C5orf47: variants seen among roughly 807,000 people sequenced by gnomAD.
C5orf47 encodes the protein chromosome 5 open reading frame 47, also known as uncharacterized protein C5orf47.
C5orf47 carries 20 observed loss-of-function variants against 20.6 expected under a neutral mutation model. The ratio of observed to expected loss-of-function variants is 0.97; its 90% confidence interval spans 0.68 to 1.41. The LOEUF is 1.41. Among genes scored for constraint, C5orf47 ranks in the 40% most tolerant of loss-of-function variants. C5orf47 has a pLI of 0.00. For synonymous variants in C5orf47, 106 were observed against 97.3 expected (o/e 1.09, Z -0.53); for missense variants, 262 against 238.4 (o/e 1.10, Z -0.65).
chr5:174,004,329 A>G lies in C5orf47; in HGVS notation c.*75A>G, dbSNP rs1759249313. ...AGTATGAAGAATCTAAAGATGAAAC[A>G]TTAAATGAATCATAATTATTTGTTA... On this transcript the variant is annotated 3_prime_UTR_variant, in exon 5 of 5. Coordinates refer to ENST00000340147, the MANE Select transcript of C5orf47 (RefSeq NM_001144954.2). 1.3e-5 allele frequency: 2 copies of G among 152,388 alleles called. No homozygotes were observed. The highest frequency in any genetic ancestry group is 4.1e-4 in the South Asian group (2 of 4,826). The allele number at this position is 152,388 out of a possible 1,614,324, so 9.4% of individuals were successfully genotyped here.
downstream of C5orf47, among the ~76,000 whole-genome samples, chr5:174,008,863 A>G (rs567169405): frequency 6.6e-6 from 1 of 151,768 alleles, no homozygotes; most frequent in East Asian, 1.9e-4. Context: ...AACTTCTGAC[A>G]TGATTCTGGA....
intron 3 of C5orf47, among the ~76,000 whole-genome samples, chr5:174,000,414 T>A (rs1217939105): frequency 6.6e-6 from 1 of 152,130 alleles, no homozygotes; most frequent in Non-Finnish European, 1.5e-5. Flanking sequence ...AAAAATTAAG[T>A]TGGATAAAAT....
downstream of C5orf47, among the ~76,000 whole-genome samples, chr5:174,009,046 A>AG (rs929237042): frequency 6.6e-6 from 1 of 152,154 alleles, no homozygotes; most frequent in African/African-American, 2.4e-5. Flanking sequence ...AGGACCAGAG[A>AG]GCACAGGCAA....
chr5:173,999,765 A>G lies in C5orf47; in HGVS notation c.477A>G (p.Arg159=), dbSNP rs1230890857. 10 of 1,537,006 alleles carry G rather than the reference A, an allele frequency of 6.5e-6. No individual in the cohort carries two copies. The highest frequency in any genetic ancestry group is 2.5e-5 in the East Asian group (1 of 40,812). ...SRMLEENEKY[R]HRLKCQRLSS... ...TGCTTGAAGAAAATGAAAAATATAG[A>G]CACAGGCTGAAATGCCAAAGGTTAT... The change falls in exon 3 of 5, where the codon AGA becomes AGG. Residue 159 remains arginine, a synonymous_variant. Coordinates refer to ENST00000340147, the MANE Select transcript of C5orf47 (RefSeq NM_001144954.2).
chr5:173,993,414 G>A (rs1462724191), intron 1 of C5orf47, among the ~76,000 whole-genome samples: 2 of 152,172 alleles, frequency 1.3e-5, no homozygotes, highest in African/African-American at 4.8e-5. Context: ...AGGCCAAGGT[G>A]GGCAGATCAC....
At chr5:173,989,664 A>G (rs982105818) in intron 1 of C5orf47, 76 bp downstream of exon 1, 9 of 1,236,858 alleles carry the variant, frequency 7.3e-6, no homozygotes, top group African/African-American at 1.6e-5. Context: ...GCTGGGCGCC[A>G]TCTTGCGGCA....
At chr5:174,008,755 C>T (rs1238495130), downstream of C5orf47, among the ~76,000 whole-genome samples, 1 of 151,244 alleles carries the variant, frequency 6.6e-6, no homozygotes, top group Non-Finnish European at 1.5e-5. Flanking sequence ...ATGGCATGAA[C>T]CCGGGAGGCG....
downstream of C5orf47, among the ~76,000 whole-genome samples, chr5:174,006,767 TA>T (rs1759298807): frequency 6.6e-6 from 1 of 152,130 alleles, no homozygotes; most frequent in Non-Finnish European, 1.5e-5. Flanking sequence ...GCTGCTGCAG[TA>T]GTATTCCAGT....
intron 1 of C5orf47, 115 bp downstream of exon 1, chr5:173,989,703 C>T: frequency 1.0e-6 from 1 of 993,318 alleles, no homozygotes; most frequent in Non-Finnish European, 1.3e-6. Context: ...GCTTTCCTGT[C>T]AGGCCGTGTT....
intron 1 of C5orf47, 44 bp downstream of exon 1, chr5:173,989,632 A>AC: frequency 1.5e-6 from 2 of 1,357,202 alleles, no homozygotes; most frequent in Non-Finnish European, 1.9e-6. Context: ...GCGGGGCGGG[A>AC]CGGGGCGGAG....
intron 1 of C5orf47, among the ~76,000 whole-genome samples, chr5:173,992,537 C>CT (rs1325703304): frequency 1.3e-5 from 2 of 152,000 alleles, no homozygotes; most frequent in African/African-American, 4.8e-5. Flanking sequence ...TCTTCTTATA[C>CT]TTTTTTGTGA....
intron 1 of C5orf47, among the ~76,000 whole-genome samples, chr5:173,993,662 A>G (rs1214738861): frequency 6.6e-6 from 1 of 152,218 alleles, no homozygotes; most frequent in Non-Finnish European, 1.5e-5. Flanking sequence ...AGAAAAAAGA[A>G]AAGTGATAGG....
intron 2 of C5orf47, among the ~76,000 whole-genome samples, chr5:173,999,133 T>C (rs962912246): frequency 2.6e-5 from 4 of 152,304 alleles, no homozygotes; most frequent in Non-Finnish European, 5.9e-5. Flanking sequence ...AAGTTATTCC[T>C]AGATGAGATT....
chr5:173,989,822 T>TA (rs1758954347), intron 1 of C5orf47, among the ~76,000 whole-genome samples: 1 of 152,226 alleles, frequency 6.6e-6, no homozygotes, highest in South Asian at 2.1e-4. Flanking sequence ...ATGGAGCCTT[T>TA]ACGGCCCCCT....
rs1009030828 is a variant in C5orf47 at position 173,989,632 on chromosome 5, A to T, written c.325+44A>T. 1.2e-5 allele frequency: 16 copies of T among 1,357,092 alleles called. 1 individual carries two copies. In the South Asian group the frequency reaches 2.7e-4, roughly 23 times the overall value. 84.1% of individuals were successfully genotyped at this position (1,357,092 alleles called of 1,614,324 possible). ...GCGGGACCGGGCGCGGCGGGGCGGG[A>T]CGGGGCGGAGCGGGCTCAGCTGCTG... is the stretch of plus-strand genomic sequence containing the variant. On this transcript the variant is annotated intron_variant, in intron 1 of 4. Transcript: ENST00000340147.
At position 173,989,445 on chromosome 5, in the gene C5orf47, C is replaced by T. The variant is rs987682213; in HGVS notation, c.182C>T (p.Ala61Val). ...QEKPREAMAV[A>V]GVQGGSELPL... is the part of the protein sequence containing the mutation. ...AAGCCGAGGGAAGCAATGGCGGTGG[C>T]GGGCGTTCAGGGTGGCAGCGAGCTG... Residue 61 changes from alanine (A) to valine (V), a missense_variant, in exon 1 of 5, where the codon GCG becomes GTG. Ala to Val is a moderately conservative substitution (Grantham distance 64). Transcript: ENST00000340147. 27 of 1,549,336 alleles carry T rather than the reference C, an allele frequency of 1.7e-5. No individual in the cohort carries two copies. In the African/African-American group the frequency reaches 2.9e-4, roughly 17 times the overall value.
chr5:173,992,196 T>C (rs1197713763), intron 1 of C5orf47, among the ~76,000 whole-genome samples: 3 of 152,074 alleles, frequency 2.0e-5, no homozygotes, highest in African/African-American at 7.2e-5. Flanking sequence ...TGTCTTTTTC[T>C]TGATCAAGTT....
intron 1 of C5orf47, among the ~76,000 whole-genome samples, chr5:173,990,697 CAA>C (rs112186884): frequency 0.15 from 22,974 of 152,086 alleles, 2,124 homozygotes; most frequent in African/African-American, 0.26. Flanking sequence ...CTCAGCCTCC[CAA>C]AGTGTTGGGA....
chr5:173,991,206 A>C (rs1310976017), intron 1 of C5orf47, among the ~76,000 whole-genome samples: 2 of 152,006 alleles, frequency 1.3e-5, no homozygotes, highest in African/African-American at 2.4e-5. Flanking sequence ...TTTTATTATT[A>C]GTTTTATCCT....
Sources: gnomAD v4.1 joint callset for allele counts (sites outside exome capture counted in the v4.1 genomes callset) on GRCh38, gnomAD v4.1.1 for gene constraint, MANE v1.5 for transcripts, NCBI Gene and HGNC (gene_info 2026-07-23, HGNC 2026-07-21) for gene names.